The following URB1 variants were observed in gnomAD, a reference collection of about 807,000 sequenced individuals.
URB1 encodes the protein nucleolar pre-ribosomal-associated protein 1.
A neutral mutation model predicts 242.3 loss-of-function variants in URB1; 197 were observed. That is an observed-to-expected ratio of 0.81 (90% CI 0.72 to 0.91). URB1 has a LOEUF of 0.91. Among genes scored for constraint, URB1 ranks in the 40% least tolerant of loss-of-function variants. URB1 has a pLI of 0.00. For missense variants in URB1, 2,721 were observed against 2,860.5 expected, an observed-to-expected ratio of 0.95 and a Z score of 1.11; for synonymous variants, 1,153 against 1,201.8, an observed-to-expected ratio of 0.96 and a Z score of 0.84.
chr21:32,319,498 G>C, intron 35 of URB1, 84 bp from the exon 36 acceptor site: 1 of 1,304,722 alleles, frequency 7.7e-7, no homozygotes. Flanking sequence ...AATCCTATCT[G>C]CTCATCCCCC....
chr21:32,363,326 C>T lies in URB1; in HGVS notation c.1339G>A (p.Asp447Asn). 1.3e-6 allele frequency: 2 copies of T among 1,551,102 alleles called. No individual in the cohort carries two copies. ...GCTGTGTGCCTCACTGAGGTGCTGT[C>T]CAACTGGGAAGAAAAAGAGTTAAAT... ...KSMFTQALNL[D>N]STSVRHTALS... The change falls in exon 11 of 39, where the codon GAC becomes AAC. Residue 447 changes from aspartate (D) to asparagine (N), a missense_variant. Transcript: ENST00000382751.
chr21:32,339,636 G>A (rs932915138), intron 25 of URB1, among the ~76,000 whole-genome samples: 2 of 151,724 alleles, frequency 1.3e-5, no homozygotes, highest in African/African-American at 4.8e-5. Flanking sequence ...GACTATAGGC[G>A]CCCACCACCA....
intron 5 of URB1, among the ~76,000 whole-genome samples, chr21:32,376,673 T>C (rs762777902): frequency 6.6e-6 from 1 of 152,192 alleles, no homozygotes; most frequent in Non-Finnish European, 1.5e-5. Context: ...GGCCTCCCTC[T>C]GTCCTCCAGG....
At chr21:32,338,616 C>G (rs1261584621) in intron 26 of URB1, 91 bp downstream of exon 26, 3 of 1,396,430 alleles carry the variant, frequency 2.1e-6, no homozygotes, top group Non-Finnish European at 3.0e-6. Context: ...GCTCCGAGAG[C>G]CGGAGGGAGA....
At chr21:32,379,978 C>CAA (rs1055946068) in intron 4 of URB1, among the ~76,000 whole-genome samples, 2 of 133,622 alleles carry the variant, frequency 1.5e-5, no homozygotes, top group Admixed American at 1.5e-4. Context: ...GACTCCATCT[C>CAA]AAAAAAAAAA....
chr21:32,321,706 T>C (rs2032768221), intron 34 of URB1, 95 bp downstream of exon 34: 1 of 1,507,014 alleles, frequency 6.6e-7, no homozygotes, highest in African/African-American at 1.4e-5. Context: ...GTGTCCAGGC[T>C]GGGAACTGAA....
intron 1 of URB1, among the ~76,000 whole-genome samples, chr21:32,389,034 G>A (rs1423905207): frequency 6.7e-6 from 1 of 149,254 alleles, no homozygotes; most frequent in Non-Finnish European, 1.5e-5. Context: ...ACATAGACAC[G>A]TATAGCACCT....
Position 32,347,177 on chromosome 21 carries a change from GC to G in URB1, c.3646del (p.Ala1216LeufsTer83). On this transcript the variant is annotated frameshift_variant, in exon 22 of 39. Transcript: ENST00000382751. LOFTEE classifies it high-confidence loss of function. ...RDPVLAPAVG[A>X]DLLDYCLARR... Reference sequence around the variant, plus strand: ...GGCCAGGCAGTAGTCAAGCAGATCAGCCCCGACTGCGGGGGCCAGCACAGGG... The same window carrying G: ...GGCCAGGCAGTAGTCAAGCAGATCAGCCCGACTGCGGGGGCCAGCACAGGG... 1 of 1,549,482 alleles carries G rather than the reference GC, an allele frequency of 6.5e-7. No individual in the cohort carries two copies. Among genetic ancestry groups the G allele is most frequent in the Non-Finnish European group, 8.7e-7 (1 of 1,146,566 alleles).
In URB1 at chr21:32,347,438, C is replaced by T; in HGVS notation, c.3386G>A (p.Ser1129Asn). 2 of 1,551,284 alleles carry T rather than the reference C, an allele frequency of 1.3e-6. No homozygotes were observed. The highest frequency in any genetic ancestry group is 1.7e-6 in the Non-Finnish European group (2 of 1,146,794). ...GGTCACCAGGTGTGTCTCAGGCAGG[C>T]TCAGCAAGGCCAGGGTGACCTCACG... Reference protein sequence around the residue: ...QLREVTLALLSLPETHLVTQQ... With the variant: ...QLREVTLALLNLPETHLVTQQ... Residue 1129 changes from serine (S) to asparagine (N), a missense_variant, in exon 22 of 39, where the codon AGC becomes AAC. Physicochemically the swap from Ser to Asn is conservative, Grantham distance 46. Transcript: ENST00000382751.
intron 3 of URB1, 81 bp from the exon 4 acceptor site, chr21:32,383,635 G>C: frequency 7.2e-7 from 1 of 1,398,170 alleles, no homozygotes; most frequent in Non-Finnish European, 9.4e-7. Context: ...CCAGCTGCAA[G>C]CTGCTTGTGT....
Position 32,383,455 on chromosome 21 carries a change from G to A in URB1, c.534C>T (p.Thr178=), listed in dbSNP as rs1486832875. 1.9e-6 allele frequency: 3 copies of A among 1,551,570 alleles called. No homozygotes were observed. The highest frequency in any genetic ancestry group is 1.4e-5 in the African/African-American group (1 of 73,128). The part of the protein sequence containing the change: ...VCSHFDLNKK[T]LYTLVTKRDS... ...CCCTCTTGGTCACCAGGGTGTACAG[G>A]GTCTTTTTATTCAAATCAAAATGGC... Residue 178 remains threonine (T), a synonymous_variant, in exon 4 of 39, where the codon ACC becomes ACT. Coordinates refer to ENST00000382751, the MANE Select transcript of URB1 (RefSeq NM_014825.3).
intron 3 of URB1, 21 bp from the exon 4 acceptor site, chr21:32,383,575 A>G: frequency 6.5e-7 from 1 of 1,547,052 alleles, no homozygotes; most frequent in Non-Finnish European, 8.7e-7. Context: ...AACCAGAGGA[A>G]ATCGGACACG....
intron 11 of URB1, among the ~76,000 whole-genome samples, chr21:32,362,312 T>C (rs1487953451): frequency 6.6e-6 from 1 of 151,970 alleles, no homozygotes; most frequent in Non-Finnish European, 1.5e-5. Flanking sequence ...TTCAAGTGAT[T>C]CTCGTGCGTC....
intron 36 of URB1, among the ~76,000 whole-genome samples, chr21:32,318,885 C>T (rs925977940): frequency 6.6e-6 from 1 of 152,068 alleles, no homozygotes; most frequent in African/African-American, 2.4e-5. Context: ...TCACTTGATT[C>T]AAGTGTTTGA....
Position 32,325,268 on chromosome 21 carries a change from G to C in URB1, c.5082C>G (p.Tyr1694Ter). 1 of 1,551,740 alleles carries C rather than the reference G, an allele frequency of 6.4e-7. No homozygotes were observed. The highest frequency in any genetic ancestry group is 8.7e-7 in the Non-Finnish European group (1 of 1,146,988). The change falls in exon 31 of 39, where the codon TAC becomes TAG. Residue 1694 changes from tyrosine to a stop codon, truncating the protein, a stop_gained. Transcript: ENST00000382751. LOFTEE classifies it high-confidence loss of function. ...GGAACCGTGCGCCCTCCAAGTGCGA[G>C]TAGTAGGCCGCCAGGACATGGTAGG... ...AIAYHVLAAYYSHLEGARFQE... is the reference protein window; with the variant it reads ...AIAYHVLAAY
chr21:32,325,193 C>T (rs762798928), intron 31 of URB1, 36 bp downstream of exon 31: 33 of 1,523,624 alleles, frequency 2.2e-5, no homozygotes, highest in Non-Finnish European at 2.8e-5. Flanking sequence ...CCGCCAGGCC[C>T]ACCCCCACAG....
chr21:32,319,246 A>G lies in URB1; in HGVS notation c.5763T>C (p.Tyr1921=). The change falls in exon 36 of 39, where the codon TAT becomes TAC. Residue 1921 remains tyrosine (Y), a synonymous_variant. Coordinates refer to ENST00000382751, the MANE Select transcript of URB1 (RefSeq NM_014825.3). The part of the protein sequence containing the change: ...LALHLVNEFL[Y]VLIVLMKHLR... ...GGTGCTTCATGAGCACGATGAGAAC[A>G]TAAAGGAACTCATTGACCAGGTGCA... 6.4e-7 allele frequency: 1 copy of G among 1,551,058 alleles called. No individual in the cohort carries two copies. The highest frequency in any genetic ancestry group is 2.0e-5 in the Admixed American group (1 of 50,884).
intron 9 of URB1, among the ~76,000 whole-genome samples, chr21:32,367,085 C>T (rs1014378811): frequency 6.6e-6 from 1 of 152,178 alleles, no homozygotes; most frequent in African/African-American, 2.4e-5. Flanking sequence ...ACTTGACAGG[C>T]ACCTGACAAA....
chr21:32,357,765 C>T, intron 14 of URB1, 109 bp from the exon 15 acceptor site: 3 of 907,586 alleles, frequency 3.3e-6, no homozygotes, highest in Non-Finnish European at 4.1e-6. Flanking sequence ...TGGTGGCTTA[C>T]ACCTGTAATC....
Sources: gnomAD v4.1 joint callset for allele counts (sites outside exome capture counted in the v4.1 genomes callset) on GRCh38, gnomAD v4.1.1 for gene constraint, MANE v1.5 for transcripts, NCBI Gene and HGNC (gene_info 2026-07-23, HGNC 2026-07-21) for gene names.